The following LRP5 variants were observed in gnomAD, a reference collection of about 807,000 sequenced individuals.
LRP5 encodes low-density lipoprotein receptor-related protein 5.
LRP5 carries 62 observed loss-of-function variants against 154.1 expected under a neutral mutation model. That is an observed-to-expected ratio of 0.40 (90% confidence interval 0.33 to 0.50). The LOEUF (loss-of-function observed/expected upper bound fraction) is 0.50, where lower values mean the gene tolerates loss of function less well. Ranked by LOEUF, LRP5 falls within the 20% of genes least tolerant of loss-of-function variation. The probability of loss-of-function intolerance (pLI) is 0.55; values close to 1 mark genes in which losing one functional copy is unlikely to be tolerated. For missense variants in LRP5, 1,915 were observed against 2,336.7 expected (o/e 0.82, Z 3.72); for synonymous variants, 966 against 1,011.5 (o/e 0.96, Z 0.85).
chr11:68,301,310 A>C, the LRP5 span, among the ~76,000 whole-genome samples: 1 of 148,780 alleles, frequency 6.7e-6, no homozygotes, highest in Non-Finnish European at 1.5e-5. Flanking sequence ...AGAAATGTAA[A>C]TATTGAAGGT....
At chr11:68,438,774 C>A in intron 20 of LRP5, 92 bp downstream of exon 20, 1 of 1,068,550 alleles carries the variant, frequency 9.4e-7, no homozygotes, top group Non-Finnish European at 1.4e-6. Flanking sequence ...CTACCCCAGG[C>A]CCTCTTGCAC....
intron 1 of LRP5, among the ~76,000 whole-genome samples, chr11:68,335,824 G>A (rs1260371356): frequency 1.3e-5 from 2 of 152,164 alleles, no homozygotes; most frequent in Non-Finnish European, 2.9e-5. Flanking sequence ...CTTACATCTC[G>A]ACAGCCGGAG....
At chr11:68,446,385 G>A (rs1554980560) in intron 21 of LRP5, 51 bp from the exon 22 acceptor site, 2 of 1,249,636 alleles carry the variant, frequency 1.6e-6, no homozygotes, top group Non-Finnish European at 2.4e-6. Context: ...AGGAAGGAAG[G>A]AATGCCCAGG....
At chr11:68,425,742 GC>G (rs1374751619) in intron 15 of LRP5, among the ~76,000 whole-genome samples, 1 of 152,170 alleles carries the variant, frequency 6.6e-6, no homozygotes, top group African/African-American at 2.4e-5. Flanking sequence ...ACCGAGGCCC[GC>G]CGTTGGAACT....
At position 68,404,634 on chromosome 11, in the gene LRP5, A is replaced by C. The variant is rs594090; in HGVS notation, c.1801+935A>C. 0.83 allele frequency among the ~76,000 whole-genome samples: 126,083 copies of C among 151,986 alleles called. 53,935 individuals are homozygous for C. The highest frequency in any genetic ancestry group is 0.98 in the East Asian group (5,089 of 5,172). ...CCTGCAGTCCTCATGTAGGGGATGC[A>C]ATCCATGAATTTAGTTTTCCCAGCC... On this transcript the variant is annotated intron_variant, in intron 8 of 22. Transcript: ENST00000294304.
In LRP5 at chr11:68,386,427, T is replaced by C. The variant is rs2153153116; in HGVS notation, c.1127T>C (p.Ile376Thr). Residue 376 changes from isoleucine (I) to threonine (T), a missense_variant, in exon 6 of 23, where the codon ATT (isoleucine) becomes ACT (threonine). Ile to Thr is a moderately conservative substitution (Grantham distance 89, BLOSUM62 -1). Transcript: ENST00000294304. The surrounding 1 kb of genome is among the most constrained non-coding windows in gnomAD (Gnocchi z 7.9). ...CAGGTGGACGACATCCGGCACGCCA[T>C]TGCCATCGACTACGACCCGCTAGAG... The part of the protein sequence containing the change: ...VLQVDDIRHA[I>T]AIDYDPLEGY... 6.2e-7 allele frequency: 1 copy of C among 1,613,976 alleles called. No homozygotes were observed. Among genetic ancestry groups the C allele is most frequent in the Non-Finnish European group, 8.5e-7 (1 of 1,180,006 alleles).
At chr11:68,437,737 C>G (rs2098675824) in intron 19 of LRP5, among the ~76,000 whole-genome samples, 2 of 152,234 alleles carry the variant, frequency 1.3e-5, no homozygotes, top group Non-Finnish European at 2.9e-5. Context: ...CGTGCCAGGT[C>G]AGGCTTGAGG....
Position 68,338,778 on chromosome 11 carries a change from C to CAT in LRP5, c.92-9068_92-9067dup, listed in dbSNP as rs983603043. On this transcript the variant is annotated intron_variant, in intron 1 of 22. Transcript: ENST00000294304. ...AGGGGAAGCCAGCCTGCCCAGTGTG[C>CAT]ATGGTGCCTTTTAAACAAATTATCT... is the stretch of plus-strand genomic sequence containing the variant. Among the ~76,000 whole-genome samples the CAT allele has an allele frequency of 1.2e-4, 18 of 151,872 alleles. No homozygotes were observed. In the Middle Eastern group the frequency reaches 0.01, roughly 86 times the overall value.
chr11:68,308,031 C>T (rs2098584969), upstream of LRP5, among the ~76,000 whole-genome samples: 1 of 152,232 alleles, frequency 6.6e-6, no homozygotes, highest in South Asian at 2.1e-4. Flanking sequence ...CCAAGCCCTC[C>T]AGAGCCCAGC....
chr11:68,300,281 A>G, the LRP5 span, among the ~76,000 whole-genome samples: 1 of 149,072 alleles, frequency 6.7e-6, no homozygotes, highest in Non-Finnish European at 1.5e-5. Flanking sequence ...GGAGGGCTCT[A>G]TGCAGGGGTG....
the LRP5 span, among the ~76,000 whole-genome samples, chr11:68,298,496 G>C: frequency 6.6e-6 from 1 of 152,164 alleles, no homozygotes; most frequent in African/African-American, 2.4e-5. Flanking sequence ...CCTTTTGCCA[G>C]GCTCCCCCAA....
chr11:68,403,772 C>T, intron 8 of LRP5, 73 bp downstream of exon 8: 1 of 1,578,256 alleles, frequency 6.3e-7, no homozygotes, highest in Non-Finnish European at 8.7e-7. Flanking sequence ...GGGTCCATGC[C>T]TGGGCATAAG....
At chr11:68,298,618 G>A in the LRP5 span, among the ~76,000 whole-genome samples, 1 of 152,200 alleles carries the variant, frequency 6.6e-6, no homozygotes, top group Non-Finnish European at 1.5e-5. Context: ...TTTGGGCTCA[G>A]TGCCAGGCCC....
At chr11:68,346,158 A>C (rs74386724) in intron 1 of LRP5, among the ~76,000 whole-genome samples, 7,385 of 152,290 alleles carry the variant, frequency 0.048, 599 homozygotes, top group African/African-American at 0.16. Flanking sequence ...TTGATGCACA[A>C]AATCTTTAGC....
At chr11:68,357,164 C>T (rs1322425455) in intron 2 of LRP5, among the ~76,000 whole-genome samples, 7 of 151,934 alleles carry the variant, frequency 4.6e-5, no homozygotes, top group East Asian at 1.9e-4. Context: ...CTTGATCTCC[C>T]GACCTCGTGA....
rs148336593 is a variant in LRP5 at position 68,423,436 on chromosome 11, G to A, written c.3028-53G>A. On this transcript the variant is annotated intron_variant, in intron 13 of 22. Transcript: ENST00000294304. This position sits in a 1 kb window ranked among gnomAD's most constrained non-coding sequence, Gnocchi z 4.7. ...CCGCCAGTGCCAGGGGTCTCCGCCA[G>A]TGCCCAGGGGTCTCCGCCAGTGCTC... The A allele has an allele frequency of 7.4e-3, 11,583 of 1,555,584 alleles. 71 individuals are homozygous for A. Among genetic ancestry groups the A allele is most frequent in the South Asian group, 0.014 (1,243 of 89,852 alleles).
intron 5 of LRP5, among the ~76,000 whole-genome samples, chr11:68,378,195 A>T (rs2098638440): frequency 2.0e-5 from 3 of 152,152 alleles, no homozygotes; most frequent in African/African-American, 7.2e-5. Context: ...GTTTTCCCAC[A>T]TTGGGGCATG....
Position 68,359,532 on chromosome 11 carries a change from G to T in LRP5, c.686+1685G>T, listed in dbSNP as rs186417709. ...AAGGATGGTGACAGGGGACAGTGAG[G>T]GTGATGGAGGTTGAAACATGCTAAT... is the stretch of plus-strand genomic sequence containing the variant. On this transcript the variant is annotated intron_variant, in intron 3 of 22. Transcript: ENST00000294304. 6.6e-5 allele frequency among the ~76,000 whole-genome samples: 10 copies of T among 152,276 alleles called. No individual in the cohort carries two copies. The East Asian group carries it at 1.9e-3, about 29-fold the overall frequency.
chr11:68,347,717 A>T, intron 1 of LRP5, 130 bp from the exon 2 acceptor site: 1 of 1,128,420 alleles, frequency 8.9e-7, no homozygotes, highest in Admixed American at 1.7e-5. Context: ...TAGGGGTGGG[A>T]GGAAGGAACT....
Sources: allele counts gnomAD v4.1 joint callset (sites outside exome capture counted in the v4.1 genomes callset), GRCh38; gene constraint gnomAD v4.1.1; non-coding constraint Gnocchi (gnomAD v3.1); transcripts MANE v1.5; gene names NCBI Gene and HGNC (gene_info 2026-07-23, HGNC 2026-07-21).